MCOLN2: variants seen among roughly 807,000 people sequenced by gnomAD.
MCOLN2 encodes mucolipin-2.
Under a neutral mutation model 67.5 loss-of-function variants are expected in MCOLN2, and 57 were observed. The observed-to-expected ratio is 0.84, with a 90% CI of 0.68 to 1.05. The LOEUF is 1.05. Ranked by LOEUF, MCOLN2 falls within the 50% of genes least tolerant of loss-of-function variation. MCOLN2 has a pLI of 0.00. For synonymous variants in MCOLN2, 246 were observed against 233.3 expected (o/e 1.05, Z -0.50); for missense variants, 620 against 678.8 (o/e 0.91, Z 0.96).
chr1:84,991,257 T>C (rs1245615541), intron 1 of MCOLN2, among the ~76,000 whole-genome samples: 2 of 152,146 alleles, frequency 1.3e-5, no homozygotes, highest in Non-Finnish European at 2.9e-5. Context: ...ATACGGAGAC[T>C]AAAATTCAAT....
At chr1:84,948,776 A>C (rs1648250187) in intron 6 of MCOLN2, among the ~76,000 whole-genome samples, 1 of 152,260 alleles carries the variant, frequency 6.6e-6, no homozygotes, top group African/African-American at 2.4e-5. Flanking sequence ...TGAATTATTC[A>C]ATGAGTGAAA....
At chr1:84,987,669 T>C (rs555800132) in intron 1 of MCOLN2, among the ~76,000 whole-genome samples, 3 of 115,850 alleles carry the variant, frequency 2.6e-5, no homozygotes, top group East Asian at 5.6e-4. Flanking sequence ...TATGTATATA[T>C]GTATATAGAT....
chr1:84,982,005 A>G (rs1650280220), intron 1 of MCOLN2, among the ~76,000 whole-genome samples: 1 of 152,170 alleles, frequency 6.6e-6, no homozygotes, highest in African/African-American at 2.4e-5. Context: ...GTTTATTGTA[A>G]AACTAATGTA....
intron 2 of MCOLN2, among the ~76,000 whole-genome samples, chr1:84,961,081 A>C (rs987344753): frequency 6.6e-6 from 1 of 152,208 alleles, no homozygotes; most frequent in Non-Finnish European, 1.5e-5. Context: ...CACAATGTCA[A>C]ACACTGAATC....
chr1:84,982,778 C>T (rs977121478), intron 1 of MCOLN2, among the ~76,000 whole-genome samples: 66 of 152,330 alleles, frequency 4.3e-4, no homozygotes, highest in African/African-American at 1.5e-3. Context: ...TCTTGACTCA[C>T]TGCAACCTCC....
chr1:84,981,260 A>G (rs150029023), intron 1 of MCOLN2, among the ~76,000 whole-genome samples: 5 of 152,184 alleles, frequency 3.3e-5, no homozygotes, highest in Non-Finnish European at 7.4e-5. Context: ...TCCTCAAAAA[A>G]CTAAAAATAG....
chr1:84,985,237 T>C (rs6691970), intron 1 of MCOLN2, among the ~76,000 whole-genome samples: 66,257 of 151,958 alleles, frequency 0.44, 15,183 homozygotes, highest in East Asian at 0.62. Context: ...GGTAAACCAT[T>C]TCTTGCTATA....
chr1:84,957,600 T>C lies in MCOLN2; in HGVS notation c.411+929A>G, dbSNP rs369719267. ...TATTATATCATCATCCTTACCTAAT[T>C]CTAATCAAGCTCCCCTCACATTAAA... On this transcript the variant is annotated intron_variant, in intron 3 of 13. Transcript: ENST00000370608. 5.9e-5 allele frequency among the ~76,000 whole-genome samples: 9 copies of C among 152,266 alleles called. No homozygotes were observed. In the East Asian group the frequency reaches 1.5e-3, roughly 26 times the overall value.
intron 13 of MCOLN2, among the ~76,000 whole-genome samples, chr1:84,927,121 T>G (rs1451841238): frequency 6.6e-6 from 1 of 151,504 alleles, no homozygotes; most frequent in Admixed American, 6.6e-5. Flanking sequence ...GATGCGTTGA[T>G]AGGTGCAGCA....
intron 1 of MCOLN2, among the ~76,000 whole-genome samples, chr1:84,968,930 T>A (rs625045): frequency 6.6e-6 from 1 of 152,012 alleles, no homozygotes. Flanking sequence ...GTTTCCCTCA[T>A]GCAGTCTATT....
intron 4 of MCOLN2, among the ~76,000 whole-genome samples, chr1:84,955,782 A>G (rs1274427107): frequency 6.6e-6 from 1 of 152,128 alleles, no homozygotes; most frequent in Non-Finnish European, 1.5e-5. Context: ...AATAACTGGG[A>G]TTATTACAGT....
intron 7 of MCOLN2, among the ~76,000 whole-genome samples, chr1:84,945,775 C>T (rs1385594421): frequency 6.6e-6 from 1 of 152,070 alleles, no homozygotes; most frequent in Non-Finnish European, 1.5e-5. Flanking sequence ...GAGACAAAGT[C>T]TCACTCTGTT....
intron 7 of MCOLN2, among the ~76,000 whole-genome samples, chr1:84,943,244 CT>C (rs1440066566): frequency 6.3e-4 from 95 of 151,964 alleles, no homozygotes; most frequent in Non-Finnish European, 4.9e-4. Context: ...TCTAACTGGA[CT>C]TGGGGAATAA....
Position 84,958,671 on chromosome 1 carries a change from A to T in MCOLN2, c.269T>A (p.Val90Glu). 1 of 1,589,148 alleles carries T rather than the reference A, an allele frequency of 6.3e-7. No homozygotes were observed. The highest frequency in any genetic ancestry group is 1.2e-5 in the South Asian group (1 of 85,594). ...LVRFGLSNQL[V>E]VAFKEDNTVA... ...AGTGTTATCTTCTTTGAAAGCAACC[A>T]CCAGCTGGTTACTTAAACCAAAACG... Residue 90 changes from valine (V) to glutamate (E), a missense_variant, in exon 3 of 14, where the codon GTG becomes GAG. Coordinates refer to ENST00000370608, the MANE Select transcript of MCOLN2 (RefSeq NM_153259.4).
chr1:84,946,991 A>C, intron 7 of MCOLN2, 42 bp downstream of exon 7: 1 of 954,372 alleles, frequency 1.0e-6, no homozygotes, highest in Middle Eastern at 2.5e-4. Flanking sequence ...AAGTGTTAAA[A>C]ATCATCTATA....
intron 1 of MCOLN2, among the ~76,000 whole-genome samples, chr1:84,996,467 T>C (rs1651160233): frequency 1.4e-5 from 2 of 146,310 alleles, no homozygotes; most frequent in South Asian, 4.4e-4. Context: ...CCAAGGTCTG[T>C]TTGTACTCAC....
chr1:84,934,925 A>G (rs1647339188), intron 11 of MCOLN2, among the ~76,000 whole-genome samples: 1 of 152,202 alleles, frequency 6.6e-6, no homozygotes, highest in African/African-American at 2.4e-5. Flanking sequence ...AGGAAGCTGA[A>G]GTGTTATGGG....
intron 4 of MCOLN2, among the ~76,000 whole-genome samples, chr1:84,953,122 G>A (rs762092480): frequency 1.3e-5 from 2 of 152,188 alleles, no homozygotes; most frequent in Non-Finnish European, 2.9e-5. Context: ...TTTGAGCACT[G>A]TATAGTGGTT....
rs111811896 is a variant in MCOLN2 at position 84,946,964 on chromosome 1, C to T, written c.847+69G>A. 482 of 779,612 alleles carry T rather than the reference C, an allele frequency of 6.2e-4. 2 individuals are homozygous for T. The African/African-American group carries it at 7.4e-3, about 12-fold the overall frequency. The allele number at this position is 779,612 out of a possible 1,614,324, so 48.3% of individuals were successfully genotyped here. A position where few individuals can be genotyped will look rare whatever the true frequency, so the allele number is the denominator to read the frequency against. ...ATCATGCAAACAAACCATTTAAATACCCCAAGCCACAAAATAAAGTGTTAA... is the reference window on the plus strand; with the variant it reads ...ATCATGCAAACAAACCATTTAAATATCCCAAGCCACAAAATAAAGTGTTAA... On this transcript the variant is annotated intron_variant, in intron 7 of 13. Transcript: ENST00000370608.
Sources: gnomAD v4.1 joint callset for allele counts (sites outside exome capture counted in the v4.1 genomes callset) on GRCh38, gnomAD v4.1.1 for gene constraint, MANE v1.5 for transcripts, NCBI Gene and HGNC (gene_info 2026-07-23, HGNC 2026-07-21) for gene names.